The following LYRM1 variants were observed in gnomAD, a reference collection of about 807,000 sequenced individuals.
LYRM1 encodes the protein LYR motif containing 1.
LYRM1 carries 14 observed loss-of-function variants against 14.9 expected under a neutral mutation model. The observed-to-expected ratio is 0.94, with a 90% CI of 0.62 to 1.47. The LOEUF (loss-of-function observed/expected upper bound fraction) is 1.47, where lower values mean the gene tolerates loss of function less well. Among genes scored for constraint, LYRM1 ranks in the 40% most tolerant of loss-of-function variants. The pLI, the probability that LYRM1 is intolerant of heterozygous loss-of-function variation, is 0.00. For synonymous variants in LYRM1, 43 were observed against 56.2 expected (o/e 0.77, Z 1.05); for missense variants, 153 against 149.9 (o/e 1.02, Z -0.11).
intron 2 of LYRM1, among the ~76,000 whole-genome samples, chr16:20,916,313 C>T (rs186093242): frequency 6.6e-6 from 1 of 152,246 alleles, no homozygotes; most frequent in African/African-American, 2.4e-5. Flanking sequence ...GGACCACCCC[C>T]CTACAAACCC....
At chr16:20,902,104 C>T (rs1239591233) in intron 1 of LYRM1, among the ~76,000 whole-genome samples, 2 of 152,142 alleles carry the variant, frequency 1.3e-5, no homozygotes, top group African/African-American at 4.8e-5. Context: ...GAGTGAGACT[C>T]CGTCTTAAGA....
chr16:20,920,829 A>T (rs2083147911), intron 3 of LYRM1, among the ~76,000 whole-genome samples: 1 of 152,144 alleles, frequency 6.6e-6, no homozygotes, highest in Admixed American at 6.5e-5. Flanking sequence ...TTGAGGCAGC[A>T]GTGACCCATG....
At position 20,920,252 on chromosome 16, in the gene LYRM1, C is replaced by A. The variant is rs200737895; in HGVS notation, c.252+38C>A. ...CCGGTTAACAAGTGCTGGGTACTTA[C>A]CCTCATCAACCTGGTTATTTCCAAG... On this transcript the variant is annotated intron_variant, in intron 3 of 3. Transcript: ENST00000567954. 25 of 1,384,058 alleles carry A rather than the reference C, an allele frequency of 1.8e-5. No individual in the cohort carries two copies. The East Asian group carries it at 5.5e-4, about 30-fold the overall frequency. The allele number at this position is 1,384,058 out of a possible 1,614,324, so 85.7% of individuals were successfully genotyped here.
Position 20,901,454 on chromosome 16 carries a change from C to T in LYRM1, c.-1+565C>T, listed in dbSNP as rs1254198490. Reference sequence around the variant, plus strand: ...GACAGAAGATGGGGGGAGGGCCCCTCGAAATCGGGTAAGGTCGTTCAAAGG... The same window carrying T: ...GACAGAAGATGGGGGGAGGGCCCCTTGAAATCGGGTAAGGTCGTTCAAAGG... On this transcript the variant is annotated intron_variant, in intron 1 of 3. Coordinates refer to ENST00000567954, the MANE Select transcript of LYRM1 (RefSeq NM_001128302.3). The surrounding 1 kb of genome is among the most constrained non-coding windows in gnomAD (Gnocchi z 4.6). 1.3e-5 allele frequency among the ~76,000 whole-genome samples: 2 copies of T among 152,150 alleles called. No homozygotes were observed. The highest frequency in any genetic ancestry group is 6.5e-5 in the Admixed American group (1 of 15,270).
intron 1 of LYRM1, among the ~76,000 whole-genome samples, chr16:20,902,958 A>G (rs1350740264): frequency 6.6e-6 from 1 of 152,172 alleles, no homozygotes; most frequent in East Asian, 1.9e-4. Context: ...CACCACAATT[A>G]CGATCAGTTC....
chr16:20,905,679 A>G (rs558713923), intron 1 of LYRM1, among the ~76,000 whole-genome samples: 8 of 152,316 alleles, frequency 5.3e-5, no homozygotes, highest in African/African-American at 1.9e-4. Context: ...CTTCATGGAA[A>G]TATTATAAGG....
chr16:20,915,147 T>G (rs959529491), intron 1 of LYRM1, among the ~76,000 whole-genome samples: 2 of 152,176 alleles, frequency 1.3e-5, no homozygotes, highest in Non-Finnish European at 2.9e-5. Flanking sequence ...AAAGAGCAAT[T>G]ATTTCTAGAC....
intron 2 of LYRM1, 93 bp from the exon 3 acceptor site, chr16:20,920,029 A>G: frequency 1.5e-6 from 1 of 652,912 alleles, no homozygotes; most frequent in Non-Finnish European, 2.5e-6. Context: ...TTTACTGGCT[A>G]GTGAACTAAA....
chr16:20,912,927 G>A (rs1417132429), intron 1 of LYRM1, among the ~76,000 whole-genome samples: 1 of 151,872 alleles, frequency 6.6e-6, no homozygotes, highest in Non-Finnish European at 1.5e-5. Context: ...TTAGCCAGGC[G>A]TGATGGTGCG....
Position 20,901,165 on chromosome 16 carries a change from G to T in LYRM1, c.-1+276G>T, listed in dbSNP as rs1336562301. ...CCCCTCGGAGGCTGTGAATCTTTTG[G>T]ACCCCCGAATGTAAATGGGAGATGG... On this transcript the variant is annotated intron_variant, in intron 1 of 3. Coordinates refer to ENST00000567954, the MANE Select transcript of LYRM1 (RefSeq NM_001128302.3). This position sits in a 1 kb window ranked among gnomAD's most constrained non-coding sequence, Gnocchi z 4.6. 1.3e-5 allele frequency: 2 copies of T among 152,412 alleles called. No homozygotes were observed. Among genetic ancestry groups the T allele is most frequent in the Admixed American group, 1.3e-4 (2 of 15,276 alleles). The allele number at this position is 152,412 out of a possible 1,614,324, so 9.4% of individuals were successfully genotyped here. A position where few individuals can be genotyped will look rare whatever the true frequency, so the allele number is the denominator to read the frequency against.
At chr16:20,912,652 G>A (rs1002536676) in intron 1 of LYRM1, among the ~76,000 whole-genome samples, 1 of 152,162 alleles carries the variant, frequency 6.6e-6, no homozygotes, top group Non-Finnish European at 1.5e-5. Flanking sequence ...TCTTCATACA[G>A]CAGGCTGAAT....
In LYRM1 at chr16:20,917,904, TCTTATA is replaced by T. The variant is rs142342990; in HGVS notation, c.159+2196_159+2201del. ...CAGTTCCTTGAACATATAGACACGT[TCTTATA>T]CTTATCTAGTATATCCCAAGGGACC... On this transcript the variant is annotated intron_variant, in intron 2 of 3. Coordinates refer to ENST00000567954, the MANE Select transcript of LYRM1 (RefSeq NM_001128302.3). Among the ~76,000 whole-genome samples the T allele has an allele frequency of 1.5e-3, 225 of 151,972 alleles. 8 individuals are homozygous for T. In the East Asian group the frequency reaches 0.041, roughly 28 times the overall value.
chr16:20,904,891 G>T (rs2082246890), intron 1 of LYRM1, among the ~76,000 whole-genome samples: 1 of 152,080 alleles, frequency 6.6e-6, no homozygotes, highest in Non-Finnish European at 1.5e-5. Flanking sequence ...GATAAAGGAA[G>T]AAAAATAGGA....
At position 20,901,897 on chromosome 16, in the gene LYRM1, G is replaced by T. The variant is rs899235264; in HGVS notation, c.-1+1008G>T. Among the ~76,000 whole-genome samples the T allele has an allele frequency of 4.6e-5, 7 of 152,186 alleles. No individual in the cohort carries two copies. Among genetic ancestry groups the T allele is most frequent in the Admixed American group, 3.3e-4 (5 of 15,284 alleles). On this transcript the variant is annotated intron_variant, in intron 1 of 3. Coordinates refer to ENST00000567954, the MANE Select transcript of LYRM1 (RefSeq NM_001128302.3). This position sits in a 1 kb window ranked among gnomAD's most constrained non-coding sequence, Gnocchi z 4.6. ...ACCCAGTACTTTGGGAGGCCTAGGC[G>T]GGCGGATCACGAGGTCAGGAGATCG...
intron 2 of LYRM1, among the ~76,000 whole-genome samples, chr16:20,919,292 T>G (rs775467001): frequency 2.0e-4 from 30 of 152,284 alleles, no homozygotes; most frequent in Non-Finnish European, 2.1e-4. Context: ...AGGACAGCAC[T>G]TGCAGAAACC....
In LYRM1 at chr16:20,909,001, A is replaced by G. The variant is rs544921452; in HGVS notation, c.1-6555A>G. Reference sequence around the variant, plus strand: ...CTTTAAAGGAAGCTGTATATCACATAAAATCTAAATCACTCAAAATTATGG... The same window carrying G: ...CTTTAAAGGAAGCTGTATATCACATGAAATCTAAATCACTCAAAATTATGG... On this transcript the variant is annotated intron_variant, in intron 1 of 3. Coordinates refer to ENST00000567954, the MANE Select transcript of LYRM1 (RefSeq NM_001128302.3). Among the ~76,000 whole-genome samples, 45 of 152,368 alleles carry G rather than the reference A, an allele frequency of 3.0e-4. No individual in the cohort carries two copies. In the Middle Eastern group the frequency reaches 0.01, roughly 35 times the overall value.
chr16:20,904,691 T>TTTTG (rs148224628), intron 1 of LYRM1, among the ~76,000 whole-genome samples: 179 of 141,130 alleles, frequency 1.3e-3, no homozygotes, highest in Middle Eastern at 3.6e-3. Context: ...AAGTCTGTGG[T>TTTTG]TGTGTGTGTG....
In LYRM1 at chr16:20,915,615, G is replaced by C; in HGVS notation, c.60G>C (p.Ala20=). The part of the protein sequence containing the change: ...LGLYRSIFRL[A]RKWQATSGQM... Reference sequence around the variant, plus strand: ...TCTACCGCAGCATTTTCAGGCTTGCGAGGAAATGGCAGGCGACATCAGGGC... The same window carrying C: ...TCTACCGCAGCATTTTCAGGCTTGCCAGGAAATGGCAGGCGACATCAGGGC... The change falls in exon 2 of 4, where the codon GCG becomes GCC. Residue 20 remains alanine, a synonymous_variant. Transcript: ENST00000567954. The C allele has an allele frequency of 6.2e-7, 1 of 1,614,126 alleles. No homozygotes were observed. The highest frequency in any genetic ancestry group is 8.5e-7 in the Non-Finnish European group (1 of 1,180,024).
intron 1 of LYRM1, among the ~76,000 whole-genome samples, chr16:20,904,139 A>G (rs1320900565): frequency 6.6e-6 from 1 of 152,148 alleles, no homozygotes; most frequent in African/African-American, 2.4e-5. Context: ...GCTAATAAGG[A>G]AACATACTTC....
Sources: allele counts gnomAD v4.1 joint callset (sites outside exome capture counted in the v4.1 genomes callset), GRCh38; gene constraint gnomAD v4.1.1; non-coding constraint Gnocchi (gnomAD v3.1); transcripts MANE v1.5; gene names NCBI Gene and HGNC (gene_info 2026-07-23, HGNC 2026-07-21).